Variants in SLC25A48 observed in about 807,000 individuals in gnomAD.
SLC25A48 encodes CTC-321K16.1.
SLC25A48 carries 29 observed loss-of-function variants against 32.2 expected under a neutral mutation model. The ratio of observed to expected loss-of-function variants is 0.90; its 90% confidence interval spans 0.67 to 1.23. The LOEUF is 1.23. Ranked by LOEUF, SLC25A48 falls within the 50% of genes most tolerant of loss-of-function variation. SLC25A48 has a pLI of 0.00. For synonymous variants in SLC25A48, 164 were observed against 172.3 expected, an observed-to-expected ratio of 0.95 and a Z score of 0.38; for missense variants, 399 against 422.7, an observed-to-expected ratio of 0.94 and a Z score of 0.49.
chr5:135,675,572 T>G lies in SLC25A48; in HGVS notation c.-521+40616T>G, dbSNP rs148035665. On this transcript the variant is annotated intron_variant, in intron 3 of 10. Transcript: ENST00000646290. ...TCCCATTGGTCTACATGTCTGTTTT[T>G]ATACTAATACCATGCTGTTTTGGTT... 1.6e-4 allele frequency among the ~76,000 whole-genome samples: 25 copies of G among 152,220 alleles called. No homozygotes were observed. In the East Asian group the frequency reaches 4.6e-3, roughly 28 times the overall value.
intron 3 of SLC25A48, among the ~76,000 whole-genome samples, chr5:135,643,710 G>A (rs552461140): frequency 3.9e-5 from 6 of 152,252 alleles, no homozygotes; most frequent in African/African-American, 1.2e-4. Context: ...CTTGTTCTTG[G>A]CCTTGGGGAG....
At chr5:135,758,040 A>AATATCATCTCTATGATATTTATAAT (rs1561478781) in intron 3 of SLC25A48, among the ~76,000 whole-genome samples, 3 of 150,666 alleles carry the variant, frequency 2.0e-5, no homozygotes, top group Admixed American at 6.6e-5. Flanking sequence ...ATATTTATAG[A>AATATCATCTCTATGATATTTATAAT]ATATCATCTC....
At chr5:135,601,908 C>T (rs1751805431) in intron 1 of SLC25A48, among the ~76,000 whole-genome samples, 1 of 152,176 alleles carries the variant, frequency 6.6e-6, no homozygotes, top group Non-Finnish European at 1.5e-5. Context: ...GCATTGGTTT[C>T]TTCTTTTTAT....
At chr5:135,821,063 G>C (rs1757872182) in intron 4 of SLC25A48, among the ~76,000 whole-genome samples, 1 of 152,172 alleles carries the variant, frequency 6.6e-6, no homozygotes, top group African/African-American at 2.4e-5. Flanking sequence ...CCCTTTTCAG[G>C]CTGGTTCACC....
chr5:135,771,208 G>T (rs35110662), intron 3 of SLC25A48, among the ~76,000 whole-genome samples: 45,795 of 150,998 alleles, frequency 0.3, 7,080 homozygotes, highest in East Asian at 0.46. Flanking sequence ...GTTTGTAATA[G>T]CCGGGGGGGA....
At chr5:135,835,601 A>G (rs896692450) in intron 1 of SLC25A48, among the ~76,000 whole-genome samples, 2 of 136,314 alleles carry the variant, frequency 1.5e-5, no homozygotes, top group South Asian at 2.2e-4. Context: ...TTGCTTCTCC[A>G]TTTTTCTTTC....
intron 7 of SLC25A48, among the ~76,000 whole-genome samples, chr5:135,882,344 A>T (rs575973668): frequency 6.6e-6 from 1 of 152,268 alleles, no homozygotes; most frequent in African/African-American, 2.4e-5. Flanking sequence ...TAGCTCTGAG[A>T]TTTGGGGAAG....
At chr5:135,851,735 T>C (rs558525894) in intron 3 of SLC25A48, among the ~76,000 whole-genome samples, 1 of 152,288 alleles carries the variant, frequency 6.6e-6, no homozygotes, top group African/African-American at 2.4e-5. Flanking sequence ...CTTTCTCACA[T>C]TTGATTTGGC....
intron 1 of SLC25A48, among the ~76,000 whole-genome samples, chr5:135,626,987 G>A (rs1752454175): frequency 3.9e-5 from 6 of 152,184 alleles, no homozygotes; most frequent in Admixed American, 2.0e-4. Context: ...CCCCACTTAT[G>A]GCCTGGCTTG....
chr5:135,709,130 T>A (rs1754592595), intron 3 of SLC25A48, among the ~76,000 whole-genome samples: 1 of 152,168 alleles, frequency 6.6e-6, no homozygotes, highest in African/African-American at 2.4e-5. Context: ...CAACTATTCA[T>A]GACAGTAAAA....
intron 3 of SLC25A48, among the ~76,000 whole-genome samples, chr5:135,772,700 T>C (rs532730140): frequency 3.5e-4 from 53 of 151,600 alleles, no homozygotes; most frequent in African/African-American, 1.3e-3. Flanking sequence ...GTTTGTAATA[T>C]TCAGGAAAGG....
chr5:135,878,836 G>A (rs1022683310), intron 6 of SLC25A48, among the ~76,000 whole-genome samples: 2 of 152,092 alleles, frequency 1.3e-5, no homozygotes, highest in African/African-American at 4.8e-5. Context: ...TTAGGTGGTC[G>A]TTTCTTACCA....
At chr5:135,697,259 C>T (rs1363453309) in intron 3 of SLC25A48, among the ~76,000 whole-genome samples, 1 of 151,888 alleles carries the variant, frequency 6.6e-6, no homozygotes. Flanking sequence ...TCACGGGTCA[C>T]CTTAGGTAAT....
At chr5:135,685,591 C>A (rs186445986) in intron 3 of SLC25A48, among the ~76,000 whole-genome samples, 4 of 151,984 alleles carry the variant, frequency 2.6e-5, no homozygotes, top group African/African-American at 9.7e-5. Context: ...TGCCACCACA[C>A]CCAGCTAATT....
intron 3 of SLC25A48, among the ~76,000 whole-genome samples, chr5:135,711,913 C>A (rs1439729899): frequency 2.0e-5 from 3 of 151,976 alleles, no homozygotes; most frequent in Non-Finnish European, 4.4e-5. Flanking sequence ...CACCCCTTCA[C>A]TGGCCCCCCT....
At chr5:135,742,835 G>A (rs1461927660) in intron 3 of SLC25A48, among the ~76,000 whole-genome samples, 1 of 151,978 alleles carries the variant, frequency 6.6e-6, no homozygotes, top group Non-Finnish European at 1.5e-5. Flanking sequence ...CTCCACAAGG[G>A]TAGGGACTGT....
intron 3 of SLC25A48, among the ~76,000 whole-genome samples, chr5:135,723,240 A>T (rs1755002644): frequency 6.6e-6 from 1 of 152,110 alleles, no homozygotes; most frequent in African/African-American, 2.4e-5. Context: ...AAGCCCAACA[A>T]TGGGTTTTCA....
chr5:135,772,030 T>G (rs1756426878), intron 3 of SLC25A48, among the ~76,000 whole-genome samples: 1 of 151,408 alleles, frequency 6.6e-6, no homozygotes, highest in African/African-American at 2.4e-5. Context: ...GTTCATAATA[T>G]TCATAATGGG....
At chr5:135,758,498 CTA>C (rs1379928022) in intron 3 of SLC25A48, among the ~76,000 whole-genome samples, 4 of 150,766 alleles carry the variant, frequency 2.7e-5, no homozygotes, top group Non-Finnish European at 5.9e-5. Flanking sequence ...TGTTAACACA[CTA>C]TGATATTAAT....
Sources: allele counts gnomAD v4.1 joint callset (sites outside exome capture counted in the v4.1 genomes callset), GRCh38; gene constraint gnomAD v4.1.1; transcripts MANE v1.5; gene names NCBI Gene and HGNC (gene_info 2026-07-23, HGNC 2026-07-21).